The following SETX variants were observed in gnomAD, a reference collection of about 807,000 sequenced individuals.
SETX encodes senataxin.
Under a neutral mutation model 227.2 loss-of-function variants are expected in SETX, and 90 were observed. The ratio of observed to expected loss-of-function variants is 0.40; its 90% confidence interval spans 0.33 to 0.47. The LOEUF (loss-of-function observed/expected upper bound fraction) is 0.47, where lower values mean the gene tolerates loss of function less well. Among genes scored for constraint, SETX ranks in the 20% least tolerant of loss-of-function variants. The pLI is 0.91. For synonymous variants in SETX, 1,210 were observed against 1,113.2 expected (o/e 1.09, Z -1.73); for missense variants, 3,052 against 3,181.5 (o/e 0.96, Z 0.98).
At position 132,333,727 on chromosome 9, in the gene SETX, G is replaced by A. The variant is rs576315624; in HGVS notation, c.838+881C>T. On this transcript the variant is annotated intron_variant, in intron 7 of 25. Coordinates refer to ENST00000224140, the MANE Select transcript of SETX (RefSeq NM_015046.7). ...GATCTAATAATAAACATGACTACAAGTTTTAGGCCTCATTATCTAGACTAT... is the reference window on the plus strand; with the variant it reads ...GATCTAATAATAAACATGACTACAAATTTTAGGCCTCATTATCTAGACTAT... 4.6e-5 allele frequency among the ~76,000 whole-genome samples: 7 copies of A among 152,078 alleles called. No homozygotes were observed. In the East Asian group the frequency reaches 1.4e-3, roughly 29 times the overall value.
intron 7 of SETX, among the ~76,000 whole-genome samples, chr9:132,332,918 G>C (rs372038095): frequency 9.9e-6 from 1 of 100,686 alleles, no homozygotes; most frequent in African/African-American, 3.7e-5. Flanking sequence ...TGTCTCAAAA[G>C]AAAAAAAAAA....
chr9:132,290,254 T>C (rs1456156969), intron 15 of SETX, among the ~76,000 whole-genome samples: 1 of 151,550 alleles, frequency 6.6e-6, no homozygotes, highest in Non-Finnish European at 1.5e-5. Flanking sequence ...TTATTTTTTT[T>C]CCCACGTGTT....
chr9:132,356,261 G>A (rs556744904), upstream of SETX, among the ~76,000 whole-genome samples: 193 of 152,184 alleles, frequency 1.3e-3, no homozygotes, highest in Non-Finnish European at 2.3e-3. Flanking sequence ...GAAGTGCAGT[G>A]GCGCAGTCTC....
intron 12 of SETX, among the ~76,000 whole-genome samples, chr9:132,299,046 T>C (rs1262527452): frequency 6.6e-6 from 1 of 152,228 alleles, no homozygotes; most frequent in Non-Finnish European, 1.5e-5. Context: ...TAAAAGTTAA[T>C]GACAGCTTGG....
chr9:132,291,685 C>T (rs191456757), intron 15 of SETX, among the ~76,000 whole-genome samples: 16 of 152,208 alleles, frequency 1.1e-4, no homozygotes, highest in Admixed American at 9.2e-4. Flanking sequence ...TTGTGGCACC[C>T]GTAAGGGAGC....
chr9:132,277,941 G>C (rs1843259354), intron 21 of SETX, 129 bp downstream of exon 21: 1 of 931,606 alleles, frequency 1.1e-6, no homozygotes, highest in African/African-American at 1.6e-5. Flanking sequence ...TATTATAACA[G>C]GACAAAATTA....
Position 132,349,264 on chromosome 9 carries a change from T to C in SETX, c.165A>G (p.Pro55=), listed in dbSNP as rs552815649. 11 of 1,613,956 alleles carry C rather than the reference T, an allele frequency of 6.8e-6. No individual in the cohort carries two copies. Among genetic ancestry groups the C allele is most frequent in the African/African-American group, 5.3e-5 (4 of 74,934 alleles). Residue 55 remains proline (P), a synonymous_variant, in exon 3 of 26, where the codon CCA becomes CCG. Transcript: ENST00000224140. ...TAATATATTTTACCTCATGCAAGAA[T>C]GGCAATTCATCTCTTGCTTTGTGGT... is the stretch of plus-strand genomic sequence containing the variant. The part of the protein sequence containing the change: ...AEYHKARDEL[P]FLHEVLWELE...
chr9:132,321,580 C>T lies in SETX; in HGVS notation c.5274+4744G>A, dbSNP rs531443811. 4.6e-5 allele frequency among the ~76,000 whole-genome samples: 7 copies of T among 150,590 alleles called. No homozygotes were observed. In the East Asian group the frequency reaches 1.2e-3, roughly 25 times the overall value. On this transcript the variant is annotated intron_variant, in intron 10 of 25. Transcript: ENST00000224140. ...GCTGAGGCAGGAGAATGGCATGAAC[C>T]CAGGAGGCGGAGCTTGCAGTGAGCT...
intron 5 of SETX, among the ~76,000 whole-genome samples, chr9:132,341,262 A>G (rs188560640): frequency 2.0e-5 from 3 of 152,266 alleles, no homozygotes; most frequent in Non-Finnish European, 4.4e-5. Context: ...TTAATAAACC[A>G]GCCCTTGTCA....
At chr9:132,286,321 A>AAAAT in intron 18 of SETX, 102 bp downstream of exon 18, 1 of 883,920 alleles carries the variant, frequency 1.1e-6, no homozygotes, top group Non-Finnish European at 1.8e-6. Flanking sequence ...CTCTGTCTCC[A>AAAAT]AAATAAATAA....
chr9:132,292,393 T>C (rs1844376509), intron 15 of SETX, among the ~76,000 whole-genome samples: 1 of 126,086 alleles, frequency 7.9e-6, no homozygotes, highest in East Asian at 2.2e-4. Context: ...CATGCCAATG[T>C]ACCCCAGCCT....
intron 2 of SETX, among the ~76,000 whole-genome samples, chr9:132,352,711 G>T (rs1027160553): frequency 6.6e-6 from 1 of 152,180 alleles, no homozygotes; most frequent in Non-Finnish European, 1.5e-5. Flanking sequence ...TAGAACTCCA[G>T]ATATATTCAA....
At chr9:132,266,077 A>C (rs1842634957) in intron 25 of SETX, 1 of 152,240 alleles carries the variant, frequency 6.6e-6, no homozygotes. Context: ...AACCACTAGA[A>C]TTCGGGTCTC....
At chr9:132,319,630 CT>C (rs1360904935) in intron 10 of SETX, among the ~76,000 whole-genome samples, 2 of 152,222 alleles carry the variant, frequency 1.3e-5, no homozygotes, top group African/African-American at 4.8e-5. Context: ...ATACTTTCTT[CT>C]TCTGGATGTC....
intron 7 of SETX, among the ~76,000 whole-genome samples, chr9:132,332,340 T>G (rs1416778763): frequency 6.6e-6 from 1 of 152,182 alleles, no homozygotes; most frequent in Admixed American, 6.5e-5. Flanking sequence ...AAGTCCAGCT[T>G]AAATGCCTCC....
chr9:132,335,129 A>G (rs56397924), intron 6 of SETX, among the ~76,000 whole-genome samples: 2,869 of 151,850 alleles, frequency 0.019, 38 homozygotes, highest in African/African-American at 0.029. Flanking sequence ...GGTGGCTCAC[A>G]CCTGTAATCC....
intron 19 of SETX, among the ~76,000 whole-genome samples, chr9:132,281,963 A>AG (rs1343085078): frequency 6.8e-6 from 1 of 146,448 alleles, no homozygotes; most frequent in East Asian, 2.3e-4. Context: ...CAGAGGTTGC[A>AG]GTGAGCCGAG....
intron 10 of SETX, among the ~76,000 whole-genome samples, chr9:132,321,922 C>T (rs1022306313): frequency 6.6e-6 from 1 of 152,080 alleles, no homozygotes; most frequent in African/African-American, 2.4e-5. Context: ...TAATGAAGTG[C>T]CAATGGTCAA....
rs1846952986 is a variant in SETX at position 132,328,041 on chromosome 9, G to A, written c.3557C>T (p.Ser1186Phe). 6.2e-7 allele frequency: 1 copy of A among 1,614,116 alleles called. No homozygotes were observed. The highest frequency in any genetic ancestry group is 8.5e-7 in the Non-Finnish European group (1 of 1,180,028). The change falls in exon 10 of 26, where the codon TCT (serine) becomes TTT (phenylalanine). Residue 1186 changes from serine to phenylalanine, a missense_variant. Ser to Phe is a radical substitution (Grantham distance 155). Transcript: ENST00000224140. Reference sequence around the variant, plus strand: ...CACAAGATCTCTCTTATTAGTATCAGACTGGCCCTCATTTCTGACAGAAGA... The same window carrying A: ...CACAAGATCTCTCTTATTAGTATCAAACTGGCCCTCATTTCTGACAGAAGA... ...PSSSVRNEGQ[S>F]DTNKRDLVGN...
Sources: gnomAD v4.1 joint callset for allele counts (sites outside exome capture counted in the v4.1 genomes callset) on GRCh38, gnomAD v4.1.1 for gene constraint, MANE v1.5 for transcripts, NCBI Gene and HGNC (gene_info 2026-07-23, HGNC 2026-07-21) for gene names.